MSI2: variants seen among roughly 807,000 people sequenced by gnomAD.
MSI2 encodes RNA-binding protein Musashi homolog 2.
In MSI2, 17 loss-of-function variants were observed where a neutral mutation model predicts 45.6. The ratio of observed to expected loss-of-function variants is 0.37; its 90% confidence interval spans 0.26 to 0.56. The LOEUF (loss-of-function observed/expected upper bound fraction) is 0.56. MSI2 is among the 20% of genes least tolerant of loss of function. MSI2 has a pLI of 0.77. For synonymous variants in MSI2, 156 were observed against 158.2 expected (o/e 0.99, Z 0.11); for missense variants, 293 against 444.2 (o/e 0.66, Z 3.06).
At chr17:57,419,872 T>G (rs1165876368) in intron 6 of MSI2, among the ~76,000 whole-genome samples, 2 of 152,192 alleles carry the variant, frequency 1.3e-5, no homozygotes, top group Non-Finnish European at 2.9e-5. Context: ...TGGGCCTGCT[T>G]CTGCCCCTGA....
intron 6 of MSI2, among the ~76,000 whole-genome samples, chr17:57,404,122 A>G (rs141305096): frequency 1.6e-3 from 246 of 152,132 alleles, no homozygotes; most frequent in African/African-American, 5.7e-3. Flanking sequence ...TACTCACATT[A>G]TCTCATTTAA....
intron 5 of MSI2, among the ~76,000 whole-genome samples, chr17:57,320,147 C>T (rs753900553): frequency 2.0e-5 from 3 of 152,104 alleles, no homozygotes; most frequent in East Asian, 1.9e-4. Flanking sequence ...AACTGTGTTC[C>T]GATCGAAAGA....
chr17:57,295,992 CTTTTTTTTTTTTT>C (rs386386327), intron 5 of MSI2, among the ~76,000 whole-genome samples: 20 of 38,658 alleles, frequency 5.2e-4, no homozygotes, highest in African/African-American at 7.4e-4. Flanking sequence ...CGCAGCCTTC[CTTTTTTTTTTTTT>C]TTTTTTTTTT....
intron 11 of MSI2, among the ~76,000 whole-genome samples, chr17:57,656,679 A>G (rs1002467155): frequency 3.9e-5 from 6 of 152,188 alleles, no homozygotes; most frequent in African/African-American, 1.2e-4. Context: ...CATTCTTAGC[A>G]TGGAGGTGAC....
intron 7 of MSI2, among the ~76,000 whole-genome samples, chr17:57,586,483 G>A (rs1404797352): frequency 6.9e-6 from 1 of 144,352 alleles, no homozygotes; most frequent in African/African-American, 2.5e-5. Context: ...ACAAGCTCAG[G>A]GAGGTGCCCC....
intron 5 of MSI2, among the ~76,000 whole-genome samples, chr17:57,365,304 T>G (rs1451004428): frequency 6.6e-6 from 1 of 152,238 alleles, no homozygotes; most frequent in Non-Finnish European, 1.5e-5. Context: ...GAGAGGCAGT[T>G]GAGCACATCT....
At chr17:57,297,735 G>A (rs974320867) in intron 5 of MSI2, among the ~76,000 whole-genome samples, 3 of 152,210 alleles carry the variant, frequency 2.0e-5, no homozygotes, top group Non-Finnish European at 2.9e-5. Flanking sequence ...CCCTGCAGCT[G>A]CTTTTTCACC....
At chr17:57,633,872 G>C (rs1909623015) in intron 10 of MSI2, among the ~76,000 whole-genome samples, 1 of 152,212 alleles carries the variant, frequency 6.6e-6, no homozygotes, top group Admixed American at 6.5e-5. Flanking sequence ...GCTCTCCAGA[G>C]TGGTTTTCCC....
chr17:57,700,673 C>T, the MSI2 span, among the ~76,000 whole-genome samples: 2 of 152,162 alleles, frequency 1.3e-5, no homozygotes, highest in Non-Finnish European at 2.9e-5. Flanking sequence ...GAGGCCAAGG[C>T]AGGCAGATCA....
chr17:57,657,387 G>A (rs939082870), intron 11 of MSI2, among the ~76,000 whole-genome samples: 1 of 152,154 alleles, frequency 6.6e-6, no homozygotes, highest in Non-Finnish European at 1.5e-5. Context: ...TGCTGAAGCT[G>A]CAAATTGGCC....
In MSI2 at chr17:57,552,251, C is replaced by T. The variant is rs2087323858; in HGVS notation, c.454+22527C>T. ...CACATAACCCATGGGGGAGTTGCAG[C>T]GGTCTAATTGAAGTTCAGAGTGATG... On this transcript the variant is annotated intron_variant, in intron 7 of 13. Transcript: ENST00000284073. This position sits in a 1 kb window ranked among gnomAD's most constrained non-coding sequence, Gnocchi z 4.3. Among the ~76,000 whole-genome samples, 1 of 152,186 alleles carries T rather than the reference C, an allele frequency of 6.6e-6. No individual in the cohort carries two copies. Among genetic ancestry groups the T allele is most frequent in the Non-Finnish European group, 1.5e-5 (1 of 68,024 alleles).
intron 6 of MSI2, among the ~76,000 whole-genome samples, chr17:57,452,171 C>T (rs984020740): frequency 1.6e-4 from 24 of 152,332 alleles, no homozygotes; most frequent in Admixed American, 7.2e-4. Flanking sequence ...CTTCCCTAGA[C>T]GGGAAATGGA....
At chr17:57,389,844 C>T (rs566152532) in intron 5 of MSI2, among the ~76,000 whole-genome samples, 2 of 152,292 alleles carry the variant, frequency 1.3e-5, no homozygotes, top group Non-Finnish European at 2.9e-5. Context: ...TAAAATTACC[C>T]AGCTAGGACT....
At chr17:57,365,561 T>C (rs777313363) in intron 5 of MSI2, among the ~76,000 whole-genome samples, 19 of 152,126 alleles carry the variant, frequency 1.2e-4, no homozygotes, top group Non-Finnish European at 2.4e-4. Context: ...TGGGAGTGTC[T>C]ACTGGGAGAC....
At chr17:57,518,329 C>A (rs1567872987) in intron 6 of MSI2, among the ~76,000 whole-genome samples, 1 of 152,228 alleles carries the variant, frequency 6.6e-6, no homozygotes, top group East Asian at 1.9e-4. Context: ...CTCTCCCCCT[C>A]CCCTCCCCAG....
chr17:57,367,999 A>G (rs937319661), intron 5 of MSI2, among the ~76,000 whole-genome samples: 10 of 152,216 alleles, frequency 6.6e-5, no homozygotes, highest in Non-Finnish European at 1.5e-4. Context: ...TATGTAAGAT[A>G]AAGACCCTGT....
chr17:57,437,820 C>CT (rs1273241205), intron 6 of MSI2, among the ~76,000 whole-genome samples: 1 of 152,162 alleles, frequency 6.6e-6, no homozygotes, highest in Non-Finnish European at 1.5e-5. Flanking sequence ...TAAAGTGCAT[C>CT]TTTTTTCTAC....
chr17:57,651,412 C>T (rs1285293587), intron 10 of MSI2, among the ~76,000 whole-genome samples: 1 of 152,062 alleles, frequency 6.6e-6, no homozygotes, highest in African/African-American at 2.4e-5. Context: ...CAAATAAAGC[C>T]ACAGGGCTCA....
chr17:57,565,209 A>G (rs778320346), intron 7 of MSI2, among the ~76,000 whole-genome samples: 4 of 152,172 alleles, frequency 2.6e-5, no homozygotes, highest in Admixed American at 2.0e-4. Flanking sequence ...AGTGCCTGGC[A>G]CTGTGCCTAG....
Sources: gnomAD v4.1 joint callset for allele counts (sites outside exome capture counted in the v4.1 genomes callset) on GRCh38, gnomAD v4.1.1 for gene constraint, Gnocchi (gnomAD v3.1) non-coding constraint, MANE v1.5 for transcripts, NCBI Gene and HGNC (gene_info 2026-07-23, HGNC 2026-07-21) for gene names.